Variants in CCL25 observed in about 807,000 individuals in gnomAD.
CCL25 encodes C-C motif chemokine ligand 25, also known as C-C motif chemokine 25.
CCL25 carries 14 observed loss-of-function variants against 19.9 expected under a neutral mutation model. That is an observed-to-expected ratio of 0.70 (90% CI 0.47 to 1.10). The LOEUF is 1.10. CCL25 is among the 50% of genes least tolerant of loss of function. The pLI is 0.00. For synonymous variants in CCL25, 68 were observed against 73.2 expected, an observed-to-expected ratio of 0.93 and a Z score of 0.36; for missense variants, 151 against 181.2, an observed-to-expected ratio of 0.83 and a Z score of 0.96.
In CCL25 at chr19:8,057,661, C is replaced by A. The variant is rs1035542789; in HGVS notation, c.326-140C>A. ...CAGCTCTTTTAATCAGGACACTTTC[C>A]ACTGGTACAGATGGAAAGCTCAAGC... On this transcript the variant is annotated intron_variant, in intron 4 of 5. Coordinates refer to ENST00000315626, the MANE Select transcript of CCL25 (RefSeq NM_005624.4). 6.0e-6 allele frequency: 8 copies of A among 1,329,526 alleles called. No homozygotes were observed. In the African/African-American group the frequency reaches 1.2e-4, roughly 20 times the overall value. 82.4% of individuals were successfully genotyped at this position (1,329,526 alleles called of 1,614,324 possible). A position where few individuals can be genotyped will look rare whatever the true frequency, so the allele number is the denominator to read the frequency against.
In CCL25 at chr19:8,056,760, G is replaced by A. The variant is rs568429501; in HGVS notation, c.325+261G>A. ...AGTAGCATGATCATAGCTCACTGCG[G>A]CCTCAAACTTGTGGGTTCAAGCAAT... On this transcript the variant is annotated intron_variant, in intron 4 of 5. Coordinates refer to ENST00000315626, the MANE Select transcript of CCL25 (RefSeq NM_005624.4). Among the ~76,000 whole-genome samples the A allele has an allele frequency of 6.6e-5, 10 of 152,120 alleles. No individual in the cohort carries two copies. The South Asian group carries it at 1.0e-3, about 16-fold the overall frequency.
chr19:8,059,147 ATATAAT>A, intron 5 of CCL25, among the ~76,000 whole-genome samples: 1 of 14,646 alleles, frequency 6.8e-5, no homozygotes, highest in African/African-American at 2.0e-4. Context: ...ATTATATAAT[ATATAAT>A]ATATATAATA....
Position 8,062,335 on chromosome 19 carries a change from T to TC in CCL25, c.*111dup, listed in dbSNP as rs1188826719. On this transcript the variant is annotated 3_prime_UTR_variant, in exon 6 of 6. Coordinates refer to ENST00000315626, the MANE Select transcript of CCL25 (RefSeq NM_005624.4). ...CCACGCCTCTGTCTTTTGGGTCAAG[T>TC]CTTAATCCCTGCACCTGAGTTGGTC... 2 of 1,221,412 alleles carry TC rather than the reference T, an allele frequency of 1.6e-6. No homozygotes were observed. The highest frequency in any genetic ancestry group is 2.4e-6 in the Non-Finnish European group (2 of 830,730). 75.7% of individuals were successfully genotyped at this position (1,221,412 alleles called of 1,614,324 possible). A position where few individuals can be genotyped will look rare whatever the true frequency, so the allele number is the denominator to read the frequency against.
chr19:8,052,788 G>A lies in CCL25; in HGVS notation c.-85G>A, dbSNP rs565421241. 1.4e-5 allele frequency: 6 copies of A among 440,478 alleles called. No individual in the cohort carries two copies. Among genetic ancestry groups the A allele is most frequent in the South Asian group, 1.1e-4 (2 of 17,774 alleles). 27.3% of individuals were successfully genotyped at this position (440,478 alleles called of 1,614,324 possible). A position where few individuals can be genotyped will look rare whatever the true frequency, so the allele number is the denominator to read the frequency against. ...GATGGGACAGCTTGGCCTACAGCCC[G>A]GCGGGCATCAGCTCCCTTGACCCAG... On this transcript the variant is annotated 5_prime_UTR_variant, in exon 1 of 6. Transcript: ENST00000315626.
chr19:8,056,552 G>A, intron 4 of CCL25, 53 bp downstream of exon 4: 2 of 1,605,424 alleles, frequency 1.2e-6, no homozygotes, highest in Non-Finnish European at 1.7e-6. Context: ...CTGCCTGCAA[G>A]CCCATGTGTG....
chr19:8,062,083 TTCTAGCACTCCTATTACTCA>T, intron 5 of CCL25, 115 bp from the exon 6 acceptor site: 1 of 743,926 alleles, frequency 1.3e-6, no homozygotes, highest in East Asian at 2.7e-5. Flanking sequence ...GCATAAAAGA[TTCTAGCACTCCTATTACTCA>T]GAAATTCACA....
chr19:8,052,713 T>TGGGG (rs2081240755), upstream of CCL25: 1 of 128,076 alleles, frequency 7.8e-6, no homozygotes, highest in African/African-American at 1.4e-4. Flanking sequence ...AGGGGGTGGC[T>TGGGG]GGGTGGGGCT....
chr19:8,058,205 T>G lies in CCL25; in HGVS notation c.445+285T>G, dbSNP rs8102877. Among the ~76,000 whole-genome samples the G allele has an allele frequency of 0.84, 124,802 of 148,444 alleles. 52,628 individuals carry two copies. Among genetic ancestry groups the G allele is most frequent in the South Asian group, 0.92 (4,400 of 4,772 alleles). On this transcript the variant is annotated intron_variant, in intron 5 of 5. Coordinates refer to ENST00000315626, the MANE Select transcript of CCL25 (RefSeq NM_005624.4). ...CAATTCTCCAGCAGGGACCGGGTGG[T>G]TGTCCTGTAATTCTACTGAATTCTG...
chr19:8,060,462 C>T (rs2081309992), intron 5 of CCL25, among the ~76,000 whole-genome samples: 2 of 152,128 alleles, frequency 1.3e-5, no homozygotes, highest in Admixed American at 6.6e-5. Context: ...CGTGGAGTTG[C>T]AGTACACCAC....
At chr19:8,056,300 G>T in intron 3 of CCL25, 31 bp downstream of exon 3, 3 of 555,816 alleles carry the variant, frequency 5.4e-6, no homozygotes, top group South Asian at 1.4e-5. Context: ...TGGGGGGGTG[G>T]GGTGCACACA....
chr19:8,052,724 C>G (rs7259568), upstream of CCL25: 5 of 297,574 alleles, frequency 1.7e-5, no homozygotes, highest in Non-Finnish European at 3.1e-5. Flanking sequence ...GGGTGGGGCT[C>G]TGTCTATAAA....
At chr19:8,055,671 A>G (rs915762076) in intron 2 of CCL25, among the ~76,000 whole-genome samples, 1 of 151,696 alleles carries the variant, frequency 6.6e-6, no homozygotes, top group African/African-American at 2.4e-5. Flanking sequence ...GGGTTTCACC[A>G]TATTGGCCAG....
chr19:8,053,083 G>A lies in CCL25; in HGVS notation c.34G>A (p.Gly12Ser), dbSNP rs201104316. Residue 12 changes from glycine to serine, a missense_variant, in exon 2 of 6, where the codon GGC becomes AGC. Transcript: ENST00000315626. The stretch of plus-strand genomic sequence containing the variant: ...GTGGCTCCTGGCCTGCCTGGTGGCC[G>A]GCTTCCTGGGAGCCTGGGCCCCCGC... ...NLWLLACLVA[G>S]FLGAWAPAVH... The A allele has an allele frequency of 9.6e-6, 15 of 1,556,116 alleles. No individual in the cohort carries two copies. Among genetic ancestry groups the A allele is most frequent in the East Asian group, 7.2e-5 (3 of 41,436 alleles).
intron 4 of CCL25, among the ~76,000 whole-genome samples, chr19:8,057,317 G>A (rs1036232233): frequency 6.7e-6 from 1 of 149,478 alleles, no homozygotes; most frequent in African/African-American, 2.5e-5. Context: ...ACCATGCCTG[G>A]CTCCAGCTCA....
Position 8,056,192 on chromosome 19 carries a change from T to C in CCL25, c.114T>C (p.Ile38=). 1 of 1,542,138 alleles carries C rather than the reference T, an allele frequency of 6.5e-7. No homozygotes were observed. Among genetic ancestry groups the C allele is most frequent in the Middle Eastern group, 1.7e-4 (1 of 5,722 alleles). The part of the protein sequence containing the change: ...EDCCLAYHYP[I]GWAVLRRAWT... Reference sequence around the variant, plus strand: ...GCTGCCTGGCCTACCACTACCCCATTGGGTGGGCTGTGCTCCGGCGCGCCT... The same window carrying C: ...GCTGCCTGGCCTACCACTACCCCATCGGGTGGGCTGTGCTCCGGCGCGCCT... Residue 38 remains isoleucine (I), a synonymous_variant, in exon 3 of 6, where the codon ATT becomes ATC. Transcript: ENST00000315626.
At position 8,056,452 on chromosome 19, in the gene CCL25, G is replaced by A. The variant is rs541796418; in HGVS notation, c.278G>A (p.Arg93Gln). 16 of 1,614,140 alleles carry A rather than the reference G, an allele frequency of 9.9e-6. No individual in the cohort carries two copies. Among genetic ancestry groups the A allele is most frequent in the East Asian group, 8.9e-5 (4 of 44,888 alleles). The change falls in exon 4 of 6, where the codon CGA (arginine) becomes CAA (glutamine). Residue 93 changes from arginine to glutamine, a missense_variant. Coordinates refer to ENST00000315626, the MANE Select transcript of CCL25 (RefSeq NM_005624.4). ...VQRAMKLLDA[R>Q]NKVFAKLHHN... ...AGAGCCATGAAGCTCCTGGATGCTC[G>A]AAATAAGGTTTTTGCAAAGCTCCAC...
chr19:8,053,152 G>C (rs943990431), intron 2 of CCL25, 30 bp downstream of exon 2: 33 of 1,466,744 alleles, frequency 2.2e-5, no homozygotes, highest in Non-Finnish European at 3.1e-5. Context: ...CTACCACCAA[G>C]TGCCCCTCTC....
chr19:8,055,931 G>A (rs1325661125), intron 2 of CCL25, among the ~76,000 whole-genome samples: 1 of 152,124 alleles, frequency 6.6e-6, no homozygotes, highest in Admixed American at 6.6e-5. Flanking sequence ...TTCCCAGCCG[G>A]GACCCAAGGG....
At chr19:8,056,577 G>A (rs2081274436) in intron 4 of CCL25, 78 bp downstream of exon 4, 3 of 1,511,030 alleles carry the variant, frequency 2.0e-6, no homozygotes, top group Admixed American at 1.8e-5. Flanking sequence ...AGACCCCGAG[G>A]GAGGGAATTG....
Sources: allele counts gnomAD v4.1 joint callset (sites outside exome capture counted in the v4.1 genomes callset), GRCh38; gene constraint gnomAD v4.1.1; transcripts MANE v1.5; gene names NCBI Gene and HGNC (gene_info 2026-07-23, HGNC 2026-07-21).